The following CCDC178 variants were observed in gnomAD, a reference collection of about 807,000 sequenced individuals.
CCDC178 encodes the protein coiled-coil domain containing 178, also known as coiled-coil domain-containing protein 178.
In CCDC178, 126 loss-of-function variants were observed where a neutral mutation model predicts 117.4. That is an observed-to-expected ratio of 1.07 (90% CI 0.93 to 1.24). The LOEUF is 1.24. Among genes scored for constraint, CCDC178 ranks in the 50% most tolerant of loss-of-function variants. The pLI, the probability that CCDC178 is intolerant of heterozygous loss-of-function variation, is 0.00. For missense variants in CCDC178, 1,030 were observed against 986.9 expected, an observed-to-expected ratio of 1.04 and a Z score of -0.59; for synonymous variants, 283 against 313.4, an observed-to-expected ratio of 0.90 and a Z score of 1.02.
chr18:33,086,217 G>A (rs2057375962), intron 21 of CCDC178, among the ~76,000 whole-genome samples: 1 of 151,784 alleles, frequency 6.6e-6, no homozygotes. Flanking sequence ...GATACCTGTG[G>A]ATTCCCAAAG....
chr18:33,339,233 A>G (rs903192470), intron 9 of CCDC178, among the ~76,000 whole-genome samples: 1 of 152,084 alleles, frequency 6.6e-6, no homozygotes, highest in Non-Finnish European at 1.5e-5. Context: ...CAAATAAGAT[A>G]TGGGAAATCA....
intron 14 of CCDC178, among the ~76,000 whole-genome samples, chr18:33,249,837 G>A (rs1422641698): frequency 6.6e-6 from 1 of 152,010 alleles, no homozygotes; most frequent in Non-Finnish European, 1.5e-5. Flanking sequence ...GGATGGCATT[G>A]AATCTATAAA....
intron 21 of CCDC178, among the ~76,000 whole-genome samples, chr18:33,040,451 A>G (rs1213212727): frequency 6.6e-6 from 1 of 152,030 alleles, no homozygotes; most frequent in Non-Finnish European, 1.5e-5. Context: ...GTGTAAAACT[A>G]TCATTAAAAT....
chr18:33,077,244 G>A (rs149675298), intron 21 of CCDC178, among the ~76,000 whole-genome samples: 6 of 152,238 alleles, frequency 3.9e-5, no homozygotes, highest in Admixed American at 6.5e-5. Flanking sequence ...CAGGGGACTC[G>A]GTTTGACTGC....
At chr18:33,311,796 T>G (rs564465882) in intron 11 of CCDC178, among the ~76,000 whole-genome samples, 3 of 152,144 alleles carry the variant, frequency 2.0e-5, no homozygotes, top group Non-Finnish European at 4.4e-5. Context: ...TTTTACTGGA[T>G]GTAGGGTGCA....
rs540778493 is a variant in CCDC178, at chr18:33,243,490, T to C, written c.1593+1755A>G. 7.9e-5 allele frequency among the ~76,000 whole-genome samples: 12 copies of C among 152,002 alleles called. No homozygotes were observed. The South Asian group carries it at 2.5e-3, about 31-fold the overall frequency. On this transcript the variant is annotated intron_variant, in intron 15 of 22. Transcript: ENST00000383096. ...TCACTATATTATACATGTATGGCAA[T>C]ATCACTATGTACCCAATAAATATCT... is the stretch of plus-strand genomic sequence containing the variant.
intron 20 of CCDC178, among the ~76,000 whole-genome samples, chr18:33,138,473 C>T (rs1035204129): frequency 5.3e-5 from 8 of 152,120 alleles, no homozygotes; most frequent in Non-Finnish European, 7.3e-5. Context: ...TAAGACATAG[C>T]TCCTGCTTGG....
At chr18:33,337,442 T>C (rs748145142) in intron 9 of CCDC178, among the ~76,000 whole-genome samples, 4 of 152,118 alleles carry the variant, frequency 2.6e-5, no homozygotes, top group Admixed American at 6.5e-5. Flanking sequence ...TCCAGTACTA[T>C]GTTGAATAAA....
chr18:33,092,945 A>C (rs576326207), intron 20 of CCDC178, 35 bp from the exon 21 acceptor site: 1 of 1,205,362 alleles, frequency 8.3e-7, no homozygotes, highest in South Asian at 1.6e-5. Context: ...AATTGTGTGT[A>C]TATATATATA....
chr18:33,023,958 T>C (rs2056173446), intron 21 of CCDC178, among the ~76,000 whole-genome samples: 1 of 152,170 alleles, frequency 6.6e-6, no homozygotes, highest in Non-Finnish European at 1.5e-5. Context: ...AAAGAAATAC[T>C]ATAAACAATT....
At chr18:32,987,937 C>T (rs778859433) in intron 21 of CCDC178, among the ~76,000 whole-genome samples, 7 of 151,316 alleles carry the variant, frequency 4.6e-5, no homozygotes, top group Non-Finnish European at 7.4e-5. Flanking sequence ...GTCTCTACTG[C>T]GTGGTGGCAG....
intron 10 of CCDC178, among the ~76,000 whole-genome samples, chr18:33,326,357 T>C (rs2062584787): frequency 6.6e-6 from 1 of 151,734 alleles, no homozygotes; most frequent in African/African-American, 2.4e-5. Context: ...CAGGAAGGGG[T>C]TGGATATGTG....
chr18:33,436,498 A>G (rs1197600932), intron 2 of CCDC178, among the ~76,000 whole-genome samples: 1 of 152,168 alleles, frequency 6.6e-6, no homozygotes, highest in Non-Finnish European at 1.5e-5. Flanking sequence ...TTGAACATTT[A>G]TTGCTGTGTC....
At chr18:33,387,400 G>A (rs149402709) in intron 5 of CCDC178, among the ~76,000 whole-genome samples, 2 of 152,140 alleles carry the variant, frequency 1.3e-5, no homozygotes, top group Non-Finnish European at 2.9e-5. Context: ...ACATAGCCAA[G>A]ACAATCCTAA....
chr18:33,037,884 G>A (rs1046983921), intron 21 of CCDC178, among the ~76,000 whole-genome samples: 1 of 151,934 alleles, frequency 6.6e-6, no homozygotes, highest in African/African-American at 2.4e-5. Flanking sequence ...GGAGAAGGCA[G>A]CAACATTATT....
At chr18:33,054,466 A>G (rs1317922646) in intron 21 of CCDC178, among the ~76,000 whole-genome samples, 1 of 152,062 alleles carries the variant, frequency 6.6e-6, no homozygotes, top group African/African-American at 2.4e-5. Flanking sequence ...GTTCCCCTAC[A>G]TGTGTCCACG....
intron 21 of CCDC178, among the ~76,000 whole-genome samples, chr18:33,084,369 C>T (rs1254774694): frequency 6.6e-6 from 1 of 152,064 alleles, no homozygotes; most frequent in African/African-American, 2.4e-5. Flanking sequence ...ATTGTCTTTT[C>T]CATCTGTAAA....
At chr18:33,128,429 C>A in intron 20 of CCDC178, among the ~76,000 whole-genome samples, 1 of 152,006 alleles carries the variant, frequency 6.6e-6, no homozygotes, top group Middle Eastern at 3.2e-3. Context: ...AGAGTTTTAT[C>A]CAACAGGTAA....
intron 2 of CCDC178, among the ~76,000 whole-genome samples, chr18:33,428,189 G>A (rs894842102): frequency 2.6e-5 from 4 of 152,110 alleles, no homozygotes; most frequent in Admixed American, 6.5e-5. Context: ...ATGTTTGATA[G>A]ACATATGGAG....
Sources: gnomAD v4.1 joint callset for allele counts (sites outside exome capture counted in the v4.1 genomes callset) on GRCh38, gnomAD v4.1.1 for gene constraint, MANE v1.5 for transcripts, NCBI Gene and HGNC (gene_info 2026-07-23, HGNC 2026-07-21) for gene names.